The following AKT3 variants were observed in gnomAD, a reference collection of about 807,000 sequenced individuals.
AKT3 encodes RAC-gamma serine/threonine-protein kinase.
In AKT3, 15 loss-of-function variants were observed where a neutral mutation model predicts 65.3. The observed-to-expected ratio is 0.23, with a 90% CI of 0.15 to 0.35. The LOEUF is 0.35. Among genes scored for constraint, AKT3 ranks in the 10% least tolerant of loss-of-function variants. AKT3 has a pLI of 1.00. For synonymous variants in AKT3, 206 were observed against 183.8 expected (o/e 1.12, Z -0.98); for missense variants, 243 against 576.5 (o/e 0.42, Z 5.92).
At chr1:243,744,289 G>A (rs1688338570) in intron 2 of AKT3, among the ~76,000 whole-genome samples, 1 of 152,286 alleles carries the variant, frequency 6.6e-6, no homozygotes, top group South Asian at 2.1e-4. Flanking sequence ...CATAGTGACT[G>A]TAAGGGTAGA....
chr1:243,699,897 A>G (rs1685336983), intron 2 of AKT3, among the ~76,000 whole-genome samples: 1 of 152,280 alleles, frequency 6.6e-6, no homozygotes, highest in South Asian at 2.1e-4. Flanking sequence ...CCACAGAAGC[A>G]AAGATTGGAA....
At chr1:243,846,858 T>C (rs1427597482) in intron 1 of AKT3, among the ~76,000 whole-genome samples, 1 of 152,232 alleles carries the variant, frequency 6.6e-6, no homozygotes, top group Non-Finnish European at 1.5e-5. Flanking sequence ...ACAATAAGTT[T>C]TTCTTATGTG....
chr1:243,838,858 T>C (rs1695060237), intron 2 of AKT3, among the ~76,000 whole-genome samples: 1 of 152,292 alleles, frequency 6.6e-6, no homozygotes, highest in South Asian at 2.1e-4. Flanking sequence ...CAAAACTGGT[T>C]ACACATAGAG....
chr1:243,632,909 C>T (rs1005345904), intron 6 of AKT3, among the ~76,000 whole-genome samples: 1 of 152,174 alleles, frequency 6.6e-6, no homozygotes, highest in African/African-American at 2.4e-5. Context: ...AGAATTAAGG[C>T]CTTGCTCTGG....
intron 3 of AKT3, among the ~76,000 whole-genome samples, chr1:243,690,965 G>A (rs1684651819): frequency 6.6e-6 from 1 of 152,078 alleles, no homozygotes; most frequent in Admixed American, 6.6e-5. Flanking sequence ...ATAAGACTAA[G>A]CTCTTTCCCC....
At chr1:243,809,679 A>C (rs1156422881) in intron 2 of AKT3, among the ~76,000 whole-genome samples, 1 of 152,212 alleles carries the variant, frequency 6.6e-6, no homozygotes, top group Non-Finnish European at 1.5e-5. Flanking sequence ...TGCACCAAGC[A>C]GACCTAATAG....
intron 2 of AKT3, among the ~76,000 whole-genome samples, chr1:243,819,098 C>T (rs532877013): frequency 2.0e-5 from 3 of 152,310 alleles, no homozygotes; most frequent in South Asian, 2.1e-4. Context: ...AGATGTTTGG[C>T]GGTCACTCAA....
In AKT3 at chr1:243,501,796, C is replaced by G. The variant is rs1292683101; in HGVS notation, c.*3453G>C. 4.3e-6 allele frequency: 1 copy of G among 232,742 alleles called. No homozygotes were observed. The highest frequency in any genetic ancestry group is 8.5e-6 in the Non-Finnish European group (1 of 117,876). 14.4% of individuals were successfully genotyped at this position (232,742 alleles called of 1,614,324 possible). On this transcript the variant is annotated 3_prime_UTR_variant, in exon 14 of 14. Coordinates refer to ENST00000673466, the MANE Select transcript of AKT3 (RefSeq NM_005465.7). ...TGACATAGTGCTTTATTTAAGCTGT[C>G]TGTACGAAGGAAAATCATGTTCATC...
At chr1:243,589,306 C>CAAAAAAAAAAAAAAAAAA (rs758254217) in intron 8 of AKT3, among the ~76,000 whole-genome samples, 13 of 40,784 alleles carry the variant, frequency 3.2e-4, no homozygotes, top group East Asian at 1.0e-3. Context: ...AACTCCATCT[C>CAAAAAAAAAAAAAAAAAA]AAAAAAAAAA....
intron 8 of AKT3, among the ~76,000 whole-genome samples, chr1:243,580,053 A>T (rs1356074738): frequency 6.6e-6 from 1 of 152,160 alleles, no homozygotes; most frequent in Non-Finnish European, 1.5e-5. Flanking sequence ...TTTCCCCAAG[A>T]GGGTGGGTTA....
intron 2 of AKT3, among the ~76,000 whole-genome samples, chr1:243,752,995 C>T (rs1688903179): frequency 6.6e-6 from 1 of 152,182 alleles, no homozygotes; most frequent in Admixed American, 6.5e-5. Context: ...ATAGTCTTTT[C>T]CTACATCCTC....
chr1:243,654,918 A>C (rs760869120), intron 4 of AKT3, among the ~76,000 whole-genome samples: 3 of 152,012 alleles, frequency 2.0e-5, no homozygotes, highest in Non-Finnish European at 4.4e-5. Flanking sequence ...GATTTTCTTC[A>C]TATTTTTCCT....
At chr1:243,785,467 T>C (rs1450220414) in intron 2 of AKT3, among the ~76,000 whole-genome samples, 2 of 151,422 alleles carry the variant, frequency 1.3e-5, no homozygotes, top group African/African-American at 2.4e-5. Context: ...GTTTTTTTTT[T>C]ACTACTTATA....
chr1:243,693,241 T>TATATA (rs1421255607), intron 3 of AKT3, among the ~76,000 whole-genome samples: 26 of 38,252 alleles, frequency 6.8e-4, no homozygotes, highest in Non-Finnish European at 9.4e-4. Context: ...TAGCTACAAT[T>TATATA]TGATATATAT....
rs1669529302 is a variant in AKT3 at position 243,504,354 on chromosome 1, G to A, written c.*895C>T. 1 of 201,154 alleles carries A rather than the reference G, an allele frequency of 5.0e-6. No individual in the cohort carries two copies. The highest frequency in any genetic ancestry group is 2.3e-5 in the African/African-American group (1 of 43,466). 12.5% of individuals were successfully genotyped at this position (201,154 alleles called of 1,614,324 possible). ...AAGGCAAACACCTGTTTACCTTGGT[G>A]TAGAAATTTTGGTGAAAAGCAGTAT... On this transcript the variant is annotated 3_prime_UTR_variant, in exon 14 of 14. Coordinates refer to ENST00000673466, the MANE Select transcript of AKT3 (RefSeq NM_005465.7).
chr1:243,529,166 T>G (rs1451681454), intron 12 of AKT3, among the ~76,000 whole-genome samples: 2 of 143,586 alleles, frequency 1.4e-5, no homozygotes, highest in East Asian at 3.9e-4. Context: ...TTTTTTTTTG[T>G]AAATTTGTTT....
chr1:243,559,912 C>A (rs12144559), intron 10 of AKT3, among the ~76,000 whole-genome samples: 78,782 of 151,886 alleles, frequency 0.52, 24,007 homozygotes, highest in Non-Finnish European at 0.68. Context: ...AAAAAAAGTG[C>A]GAGACACCAT....
chr1:243,815,498 C>T (rs1264407500), intron 2 of AKT3, among the ~76,000 whole-genome samples: 2 of 152,074 alleles, frequency 1.3e-5, no homozygotes, highest in African/African-American at 4.8e-5. Flanking sequence ...CAAGGCTCTA[C>T]ATGCTTTCAC....
At chr1:243,599,533 A>G (rs1676860720) in intron 8 of AKT3, among the ~76,000 whole-genome samples, 1 of 152,152 alleles carries the variant, frequency 6.6e-6, no homozygotes, top group Non-Finnish European at 1.5e-5. Flanking sequence ...CAGTACAGGT[A>G]AAGTGACACA....
Sources: gnomAD v4.1 joint callset for allele counts (sites outside exome capture counted in the v4.1 genomes callset) on GRCh38, gnomAD v4.1.1 for gene constraint, MANE v1.5 for transcripts, NCBI Gene and HGNC (gene_info 2026-07-23, HGNC 2026-07-21) for gene names.